The following GTF2H3 variants were observed in gnomAD, a reference collection of about 807,000 sequenced individuals.
GTF2H3 encodes general transcription factor IIH subunit 3.
GTF2H3 carries 42 observed loss-of-function variants against 51.1 expected under a neutral mutation model. The observed-to-expected ratio is 0.82, with a 90% CI of 0.64 to 1.06. The LOEUF is 1.06. GTF2H3 is among the 50% of genes least tolerant of loss of function. GTF2H3 has a pLI of 0.00. For missense variants in GTF2H3, 326 were observed against 366.1 expected (o/e 0.89, Z 0.89); for synonymous variants, 123 against 123.8 (o/e 0.99, Z 0.04).
intron 2 of GTF2H3, among the ~76,000 whole-genome samples, chr12:123,640,862 A>G (rs1955361475): frequency 6.6e-6 from 1 of 152,214 alleles, no homozygotes; most frequent in Non-Finnish European, 1.5e-5. Context: ...AAAGCCTAAA[A>G]TATTTACTAT....
At chr12:123,654,743 C>T (rs529999124) in intron 7 of GTF2H3, among the ~76,000 whole-genome samples, 181 bp from the exon 8 acceptor site, 2 of 152,168 alleles carry the variant, frequency 1.3e-5, no homozygotes, top group East Asian at 1.9e-4. Context: ...CAAACCGTTA[C>T]GTGGAGCGGG....
intron 7 of GTF2H3, 151 bp from the exon 8 acceptor site, chr12:123,654,773 T>C (rs1238130917): frequency 1.6e-6 from 1 of 640,958 alleles, no homozygotes; most frequent in Non-Finnish European, 2.8e-6. Context: ...GAAATGTTAC[T>C]GTCATCTTTA....
intron 2 of GTF2H3, among the ~76,000 whole-genome samples, 183 bp from the exon 3 acceptor site, chr12:123,645,272 G>T (rs933389960): frequency 1.3e-5 from 2 of 152,064 alleles, no homozygotes; most frequent in Non-Finnish European, 2.9e-5. Context: ...GTTTCATTAT[G>T]TTGCCTAGGC....
intron 1 of GTF2H3, among the ~76,000 whole-genome samples, chr12:123,638,462 C>T (rs534287537): frequency 1.4e-4 from 22 of 152,028 alleles, no homozygotes; most frequent in Admixed American, 7.9e-4. Context: ...TGAGCCACCG[C>T]GCCCGGCCCT....
intron 2 of GTF2H3, among the ~76,000 whole-genome samples, chr12:123,642,518 G>C (rs1321613470): frequency 6.6e-6 from 1 of 152,158 alleles, no homozygotes; most frequent in Non-Finnish European, 1.5e-5. Flanking sequence ...ATGTACACAT[G>C]TACCAGAAGT....
In GTF2H3 at chr12:123,662,260, C is replaced by T. The variant is rs894553805; in HGVS notation, c.*2025C>T. ...TCATATTTAAATAATTTGATGTTGGCTTAGATAATTTCAGATAGATTTTAT... is the reference window on the plus strand; with the variant it reads ...TCATATTTAAATAATTTGATGTTGGTTTAGATAATTTCAGATAGATTTTAT... On this transcript the variant is annotated 3_prime_UTR_variant, in exon 13 of 13. Coordinates refer to ENST00000543341, the MANE Select transcript of GTF2H3 (RefSeq NM_001516.5). 10 of 151,392 alleles carry T rather than the reference C, an allele frequency of 6.6e-5. No individual in the cohort carries two copies. The highest frequency in any genetic ancestry group is 2.4e-4 in the African/African-American group (10 of 41,190). The allele number at this position is 151,392 out of a possible 1,614,324, so 9.4% of individuals were successfully genotyped here. A position where few individuals can be genotyped will look rare whatever the true frequency, so the allele number is the denominator to read the frequency against.
At chr12:123,641,320 G>A (rs1408094736) in intron 2 of GTF2H3, among the ~76,000 whole-genome samples, 10 of 151,270 alleles carry the variant, frequency 6.6e-5, no homozygotes, top group South Asian at 2.1e-4. Context: ...TCTGCCTCCC[G>A]GTTCAAGCGA....
chr12:123,653,044 G>A (rs1024997015), intron 7 of GTF2H3, among the ~76,000 whole-genome samples: 3 of 151,034 alleles, frequency 2.0e-5, no homozygotes, highest in South Asian at 2.1e-4. Flanking sequence ...GCAGTGAGCC[G>A]AGATCACACC....
At position 123,660,475 on chromosome 12, in the gene GTF2H3, G is replaced by C. The variant is rs747659544; in HGVS notation, c.*240G>C. 3 of 342,162 alleles carry C rather than the reference G, an allele frequency of 8.8e-6. No individual in the cohort carries two copies. The highest frequency in any genetic ancestry group is 1.0e-5 in the Non-Finnish European group (2 of 190,766). 21.2% of individuals were successfully genotyped at this position (342,162 alleles called of 1,614,324 possible). A position where few individuals can be genotyped will look rare whatever the true frequency, so the allele number is the denominator to read the frequency against. ...CTATGACTGGTTTCTGTCCATGTTT[G>C]TGGCTTTCATTTTTTTAATGGGATG... is the stretch of plus-strand genomic sequence containing the variant. On this transcript the variant is annotated 3_prime_UTR_variant, in exon 13 of 13. Transcript: ENST00000543341.
intron 3 of GTF2H3, 48 bp from the exon 4 acceptor site, chr12:123,647,915 T>G: frequency 6.8e-7 from 1 of 1,462,038 alleles, no homozygotes; most frequent in South Asian, 1.3e-5. Context: ...TGAGTGAGCC[T>G]GGGCGGTGAG....
intron 2 of GTF2H3, among the ~76,000 whole-genome samples, chr12:123,643,909 C>T (rs1002560860): frequency 5.3e-5 from 8 of 152,172 alleles, no homozygotes; most frequent in Admixed American, 2.6e-4. Flanking sequence ...CAGCTCACTG[C>T]AGCCTCCACC....
intron 9 of GTF2H3, among the ~76,000 whole-genome samples, chr12:123,656,915 A>T (rs1955593731): frequency 6.6e-6 from 1 of 152,082 alleles, no homozygotes; most frequent in Non-Finnish European, 1.5e-5. Flanking sequence ...GCGAGACACC[A>T]TCTCTATAAA....
At chr12:123,655,146 C>G (rs1376175948) in intron 8 of GTF2H3, 148 bp downstream of exon 8, 2 of 665,052 alleles carry the variant, frequency 3.0e-6, no homozygotes, top group Non-Finnish European at 5.2e-6. Context: ...CTAGTCTTTT[C>G]TCTATTTTGG....
At chr12:123,641,635 A>G (rs747574582) in intron 2 of GTF2H3, among the ~76,000 whole-genome samples, 1 of 149,642 alleles carries the variant, frequency 6.7e-6, no homozygotes, top group Admixed American at 6.7e-5. Context: ...ATTTCCCCAT[A>G]TTTTGATAGC....
In GTF2H3 at chr12:123,652,528, T is replaced by A. The variant is rs1450598390; in HGVS notation, c.428-4T>A. On this transcript the variant is annotated splice_region_variant and splice_polypyrimidine_tract_variant and intron_variant, in intron 5 of 12. Coordinates refer to ENST00000543341, the MANE Select transcript of GTF2H3 (RefSeq NM_001516.5). ...TTTGTATTCCTTAATGTTAAGAAAT[T>A]AAGACATTCATAGAATGAACAAGGA... 4 of 1,410,574 alleles carry A rather than the reference T, an allele frequency of 2.8e-6. No homozygotes were observed. Among genetic ancestry groups the A allele is most frequent in the Non-Finnish European group, 3.9e-6 (4 of 1,021,644 alleles). 87.4% of individuals were successfully genotyped at this position (1,410,574 alleles called of 1,614,324 possible).
chr12:123,652,404 T>C (rs2135793717), intron 5 of GTF2H3, 128 bp from the exon 6 acceptor site: 3 of 604,728 alleles, frequency 5.0e-6, no homozygotes, highest in South Asian at 2.1e-5. Context: ...TCTTGGTGAG[T>C]GGAGCATTTC....
intron 2 of GTF2H3, among the ~76,000 whole-genome samples, chr12:123,640,177 C>A (rs1278155384): frequency 6.6e-6 from 1 of 151,958 alleles, no homozygotes; most frequent in African/African-American, 2.4e-5. Flanking sequence ...CATGTTTGTT[C>A]GTTTGTAATC....
Position 123,659,845 on chromosome 12 carries a change from C to T in GTF2H3, c.735C>T (p.Pro245=). The part of the protein sequence containing the change: ...QDQRSQLILP[P]PVHVDYRAAC... ...AGAGATCTCAGTTAATCCTCCCACC[C>T]CCAGTTCATGTTGACTACAGGGCTG... Residue 245 remains proline, a synonymous_variant, in exon 11 of 13, where the codon CCC becomes CCT. Coordinates refer to ENST00000543341, the MANE Select transcript of GTF2H3 (RefSeq NM_001516.5). 1 of 1,613,574 alleles carries T rather than the reference C, an allele frequency of 6.2e-7. No individual in the cohort carries two copies. Among genetic ancestry groups the T allele is most frequent in the Non-Finnish European group, 8.5e-7 (1 of 1,179,510 alleles).
At position 123,652,513 on chromosome 12, in the gene GTF2H3, T is replaced by G. The variant is rs1245522482; in HGVS notation, c.428-19T>G. Reference sequence around the variant, plus strand: ...AAGCAAAATAATATTTTTGTATTCCTTAATGTTAAGAAATTAAGACATTCA... The same window carrying G: ...AAGCAAAATAATATTTTTGTATTCCGTAATGTTAAGAAATTAAGACATTCA... On this transcript the variant is annotated intron_variant, in intron 5 of 12. Transcript: ENST00000543341. The G allele has an allele frequency of 3.0e-6, 4 of 1,315,206 alleles. No individual in the cohort carries two copies. The highest frequency in any genetic ancestry group is 4.3e-6 in the Non-Finnish European group (4 of 938,630). 81.5% of individuals were successfully genotyped at this position (1,315,206 alleles called of 1,614,324 possible).
Sources: gnomAD v4.1 joint callset for allele counts (sites outside exome capture counted in the v4.1 genomes callset) on GRCh38, gnomAD v4.1.1 for gene constraint, MANE v1.5 for transcripts, NCBI Gene and HGNC (gene_info 2026-07-23, HGNC 2026-07-21) for gene names.